Variants in SYT16 observed in about 807,000 individuals in gnomAD.
SYT16 encodes the protein synaptotagmin 16.
A neutral mutation model predicts 61.4 loss-of-function variants in SYT16; 42 were observed. The observed-to-expected ratio is 0.68, with a 90% confidence interval of 0.53 to 0.89. The LOEUF (loss-of-function observed/expected upper bound fraction) is 0.89, where lower values mean the gene tolerates loss of function less well. Ranked by LOEUF, SYT16 falls within the 40% of genes least tolerant of loss-of-function variation. The probability of loss-of-function intolerance (pLI) is 0.00; values close to 1 mark genes in which losing one functional copy is unlikely to be tolerated. For missense variants in SYT16, 804 were observed against 807.3 expected (o/e 1.00, Z 0.05); for synonymous variants, 314 against 302.3 (o/e 1.04, Z -0.40).
chr14:61,966,405 T>C (rs2051317237), intron 1 of SYT16, among the ~76,000 whole-genome samples: 1 of 152,120 alleles, frequency 6.6e-6, no homozygotes, highest in Non-Finnish European at 1.5e-5. Context: ...ATTATCATCA[T>C]TTTTATATTT....
intron 1 of SYT16, among the ~76,000 whole-genome samples, chr14:61,822,046 C>T (rs1444996922): frequency 6.6e-6 from 1 of 152,174 alleles, no homozygotes; most frequent in Non-Finnish European, 1.5e-5. Context: ...AGGTCATGAG[C>T]AAGCTGCAGA....
rs1160956306 is a variant in SYT16, at chr14:62,109,518, A to G, written c.*8811A>G. 2 of 152,184 alleles carry G rather than the reference A, an allele frequency of 1.3e-5. No homozygotes were observed. The highest frequency in any genetic ancestry group is 2.9e-5 in the Non-Finnish European group (2 of 68,024). The allele number at this position is 152,184 out of a possible 1,614,324, so 9.4% of individuals were successfully genotyped here. A position where few individuals can be genotyped will look rare whatever the true frequency, so the allele number is the denominator to read the frequency against. ...ATGATCCATCAAATAAAATGTAGCA[A>G]CTTCCAGTCTAGAATAAATTTCACC... On this transcript the variant is annotated 3_prime_UTR_variant, in exon 8 of 8. Coordinates refer to ENST00000683842, the MANE Select transcript of SYT16 (RefSeq NM_001367656.1).
chr14:61,886,377 C>G (rs1409108368), intron 1 of SYT16, among the ~76,000 whole-genome samples: 1 of 152,176 alleles, frequency 6.6e-6, no homozygotes, highest in African/African-American at 2.4e-5. Context: ...GCATTTTACC[C>G]ACAGTGGAAC....
At chr14:61,825,451 C>T (rs117193823) in intron 1 of SYT16, among the ~76,000 whole-genome samples, 1 of 152,142 alleles carries the variant, frequency 6.6e-6, no homozygotes, top group Non-Finnish European at 1.5e-5. Context: ...GAGGTGGAGG[C>T]AGGTGGATTC....
Position 62,103,931 on chromosome 14 carries a change from A to C in SYT16, c.*3224A>C, listed in dbSNP as rs1269592018. On this transcript the variant is annotated 3_prime_UTR_variant, in exon 8 of 8. Coordinates refer to ENST00000683842, the MANE Select transcript of SYT16 (RefSeq NM_001367656.1). Reference sequence around the variant, plus strand: ...AAATGTCAATATTCTCCATAGTCCTAGGTGCCAGTGAGCCTGAAACACAGC... The same window carrying C: ...AAATGTCAATATTCTCCATAGTCCTCGGTGCCAGTGAGCCTGAAACACAGC... 1 of 152,210 alleles carries C rather than the reference A, an allele frequency of 6.6e-6. No individual in the cohort carries two copies. The highest frequency in any genetic ancestry group is 2.1e-4 in the South Asian group (1 of 4,828). The allele number at this position is 152,210 out of a possible 1,614,324, so 9.4% of individuals were successfully genotyped here. A position where few individuals can be genotyped will look rare whatever the true frequency, so the allele number is the denominator to read the frequency against.
intron 2 of SYT16, among the ~76,000 whole-genome samples, chr14:61,986,443 A>T (rs2052316986): frequency 6.7e-6 from 1 of 149,538 alleles, no homozygotes; most frequent in Admixed American, 6.7e-5. Flanking sequence ...TATTTAAAAA[A>T]TTTATATATA....
chr14:61,835,250 A>ATTTT lies in SYT16; in HGVS notation c.-325+22462_-325+22465dup, dbSNP rs11378872. On this transcript the variant is annotated intron_variant, in intron 1 of 7. Coordinates refer to ENST00000683842, the MANE Select transcript of SYT16 (RefSeq NM_001367656.1). ...GTAAATGTTGTCTCATGAAAGGTGA[A>ATTTT]TTTTTTTTTTTTTTTTTTTTTTTTT... is the stretch of plus-strand genomic sequence containing the variant. Among the ~76,000 whole-genome samples the ATTTT allele has an allele frequency of 1.3e-3, 147 of 110,792 alleles. 2 individuals are homozygous for ATTTT. The highest frequency in any genetic ancestry group is 4.0e-3 in the African/African-American group (114 of 28,406). 72.7% of individuals were successfully genotyped at this position (110,792 alleles called of 152,430 possible). A position where few individuals can be genotyped will look rare whatever the true frequency, so the allele number is the denominator to read the frequency against.
chr14:61,976,295 G>A (rs1371101905), intron 2 of SYT16, among the ~76,000 whole-genome samples: 1 of 152,180 alleles, frequency 6.6e-6, no homozygotes, highest in Non-Finnish European at 1.5e-5. Context: ...CATGGTGCAA[G>A]CTGTTGGTGG....
intron 1 of SYT16, among the ~76,000 whole-genome samples, chr14:61,936,662 TTCTC>T (rs1220430992): frequency 6.6e-6 from 1 of 152,154 alleles, no homozygotes; most frequent in African/African-American, 2.4e-5. Context: ...CCCCCGGACT[TTCTC>T]TCTGCTCCCT....
chr14:61,831,060 A>G (rs1313150680), intron 1 of SYT16, among the ~76,000 whole-genome samples: 1 of 152,160 alleles, frequency 6.6e-6, no homozygotes, highest in Non-Finnish European at 1.5e-5. Context: ...AACTGGAGAT[A>G]ATTTTATTCC....
Position 62,087,414 on chromosome 14 carries a change from G to A in SYT16, c.1624+3029G>A, listed in dbSNP as rs79062051. 5.9e-5 allele frequency among the ~76,000 whole-genome samples: 9 copies of A among 152,344 alleles called. No homozygotes were observed. In the East Asian group the frequency reaches 1.7e-3, roughly 30 times the overall value. ...GGGAACTTGTACCACTGAGGGCCAT[G>A]ACAGCTTGTGGTTGAGGCTCTCGGC... is the stretch of plus-strand genomic sequence containing the variant. On this transcript the variant is annotated intron_variant, in intron 7 of 7. Coordinates refer to ENST00000683842, the MANE Select transcript of SYT16 (RefSeq NM_001367656.1).
At chr14:61,884,864 G>A (rs2047839386) in intron 1 of SYT16, among the ~76,000 whole-genome samples, 3 of 152,134 alleles carry the variant, frequency 2.0e-5, no homozygotes, top group Admixed American at 6.5e-5. Flanking sequence ...AAATGTGATC[G>A]GTGGTTTTGT....
chr14:62,086,211 C>A (rs1258246001), intron 7 of SYT16, among the ~76,000 whole-genome samples: 3 of 152,160 alleles, frequency 2.0e-5, no homozygotes, highest in African/African-American at 7.2e-5. Flanking sequence ...GGCACGGTGG[C>A]TCAATGCCTG....
At chr14:61,839,823 A>G (rs2046250242) in intron 1 of SYT16, among the ~76,000 whole-genome samples, 1 of 151,830 alleles carries the variant, frequency 6.6e-6, no homozygotes, top group Non-Finnish European at 1.5e-5. Flanking sequence ...CCTCAGGGCT[A>G]ACTGTATTTC....
At chr14:61,945,235 A>G (rs949926081) in intron 1 of SYT16, among the ~76,000 whole-genome samples, 7 of 152,198 alleles carry the variant, frequency 4.6e-5, no homozygotes, top group African/African-American at 1.7e-4. Context: ...TCAGGAAACA[A>G]CAGATGCTGG....
intron 1 of SYT16, among the ~76,000 whole-genome samples, chr14:61,864,401 G>A (rs2047065914): frequency 6.6e-6 from 1 of 152,264 alleles, no homozygotes; most frequent in East Asian, 1.9e-4. Flanking sequence ...CTAGCCGGCA[G>A]TTAGTGCTGC....
intron 5 of SYT16, among the ~76,000 whole-genome samples, chr14:62,078,172 A>AACACACACCACACAC (rs1555382592): frequency 7.8e-6 from 1 of 128,786 alleles, no homozygotes; most frequent in Non-Finnish European, 1.6e-5. Context: ...TATATATATA[A>AACACACACCACACAC]ACACACACAC....
chr14:62,043,028 T>C (rs1178904443), intron 3 of SYT16, among the ~76,000 whole-genome samples: 1 of 152,190 alleles, frequency 6.6e-6, no homozygotes, highest in Non-Finnish European at 1.5e-5. Context: ...GTACTTGTTA[T>C]TCCACCTTGA....
chr14:62,025,640 T>C (rs1385807786), intron 3 of SYT16, among the ~76,000 whole-genome samples: 1 of 152,188 alleles, frequency 6.6e-6, no homozygotes, highest in Non-Finnish European at 1.5e-5. Context: ...ATTGTGCCTT[T>C]GGTGAAATGT....
Sources: allele counts gnomAD v4.1 joint callset (sites outside exome capture counted in the v4.1 genomes callset), GRCh38; gene constraint gnomAD v4.1.1; transcripts MANE v1.5; gene names NCBI Gene and HGNC (gene_info 2026-07-23, HGNC 2026-07-21).